Variants in KAZN observed in about 807,000 individuals in gnomAD.
KAZN encodes the protein kazrin, periplakin interacting protein.
KAZN carries 40 observed loss-of-function variants against 87.4 expected under a neutral mutation model. The observed-to-expected ratio is 0.46, with a 90% CI of 0.36 to 0.60. The LOEUF (loss-of-function observed/expected upper bound fraction) is 0.60. Ranked by LOEUF, KAZN falls within the 20% of genes least tolerant of loss-of-function variation. KAZN has a pLI of 0.00. For missense variants in KAZN, 898 were observed against 1,073.9 expected (o/e 0.84, Z 2.29); for synonymous variants, 466 against 458.3 (o/e 1.02, Z -0.22).
At chr1:14,391,732 G>T (rs1160842612) in intron 2 of KAZN, among the ~76,000 whole-genome samples, 2 of 152,184 alleles carry the variant, frequency 1.3e-5, no homozygotes, top group African/African-American at 4.8e-5. Flanking sequence ...ACATACAGGG[G>T]CCTTGACGTC....
chr1:13,920,967 G>A (rs1325738608), intron 1 of KAZN, among the ~76,000 whole-genome samples: 1 of 152,102 alleles, frequency 6.6e-6, no homozygotes, highest in Non-Finnish European at 1.5e-5. Context: ...TCAGAGGAAT[G>A]TGCACATAGC....
intron 1 of KAZN, among the ~76,000 whole-genome samples, chr1:14,049,609 A>G (rs1186138820): frequency 6.6e-6 from 1 of 151,590 alleles, no homozygotes; most frequent in Non-Finnish European, 1.5e-5. Context: ...CAGTACCCAC[A>G]CTCCATGCCC....
chr1:14,633,882 C>CTA lies in KAZN; in HGVS notation c.226+34660_226+34661insAT, dbSNP rs1357500642. Among the ~76,000 whole-genome samples the CTA allele has an allele frequency of 4.5e-3, 675 of 151,322 alleles. 3 individuals are homozygous for CTA. Among genetic ancestry groups the CTA allele is most frequent in the African/African-American group, 0.014 (585 of 41,100 alleles). Reference sequence around the variant, plus strand: ...TTGCGCGCGCACTCTCTCTCTCTCTCTCTATATATATATATTTATTTAAAG... The same window carrying CTA: ...TTGCGCGCGCACTCTCTCTCTCTCTCTATCTATATATATATATTTATTTAAAG... On this transcript the variant is annotated intron_variant, in intron 1 of 14. Transcript: ENST00000376030.
chr1:14,377,261 C>A (rs1457227407), intron 2 of KAZN, among the ~76,000 whole-genome samples: 1 of 152,162 alleles, frequency 6.6e-6, no homozygotes, highest in Non-Finnish European at 1.5e-5. Flanking sequence ...GGTTTCCTAT[C>A]CATCAATCGA....
At chr1:14,286,060 C>T (rs1038831589) in intron 2 of KAZN, among the ~76,000 whole-genome samples, 7 of 152,206 alleles carry the variant, frequency 4.6e-5, no homozygotes, top group African/African-American at 1.7e-4. Flanking sequence ...GTACAAGGAC[C>T]ATGTCTGTAT....
At position 14,574,933 on chromosome 1, in the gene KAZN, G is replaced by A. The variant is rs1039432175; in HGVS notation, c.250-24050G>A. Among the ~76,000 whole-genome samples the A allele has an allele frequency of 7.9e-5, 12 of 152,278 alleles. 1 individual carries two copies. Among genetic ancestry groups the A allele is most frequent in the Admixed American group, 5.2e-4 (8 of 15,300 alleles). ...AAAGGAACTTGCTCTCCAGGGCATT[G>A]AGGAGGAAGAACAAGAGGAAGATAC... On this transcript the variant is annotated intron_variant, in intron 2 of 16. Transcript: ENST00000636203.
At chr1:14,750,245 G>C (rs1381170380) in intron 1 of KAZN, among the ~76,000 whole-genome samples, 1 of 123,000 alleles carries the variant, frequency 8.1e-6, no homozygotes, top group African/African-American at 3.4e-5. Flanking sequence ...AGACAATTTT[G>C]AGACAGTATT....
At chr1:15,092,055 TTTTTGTTTTTTTTTTTGA>T (rs1640559248) in intron 8 of KAZN, among the ~76,000 whole-genome samples, 1 of 131,730 alleles carries the variant, frequency 7.6e-6, no homozygotes, top group African/African-American at 3.2e-5. Context: ...AGGTTTTGTT[TTTTTGTTTTTTTTTTTGA>T]TTTTTTTTTT....
At chr1:15,005,875 C>G (rs1457567885) in intron 2 of KAZN, among the ~76,000 whole-genome samples, 2 of 152,296 alleles carry the variant, frequency 1.3e-5, no homozygotes, top group South Asian at 2.1e-4. Context: ...TGTATTGTTT[C>G]CTTTGTGATG....
At chr1:14,729,063 A>C (rs1215357254) in intron 1 of KAZN, among the ~76,000 whole-genome samples, 4 of 151,780 alleles carry the variant, frequency 2.6e-5, no homozygotes, top group Non-Finnish European at 5.9e-5. Context: ...GTGACCCTTG[A>C]CCCTATCCTT....
intron 2 of KAZN, among the ~76,000 whole-genome samples, chr1:14,577,179 C>A (rs1445063108): frequency 6.6e-6 from 1 of 152,168 alleles, no homozygotes; most frequent in Non-Finnish European, 1.5e-5. Context: ...GAATAAAATT[C>A]TTCTGAGAGC....
In KAZN at chr1:14,913,152, A is replaced by G. The variant is rs145650175; in HGVS notation, c.227-47532A>G. 5.4e-4 allele frequency among the ~76,000 whole-genome samples: 82 copies of G among 152,260 alleles called. No homozygotes were observed. The Middle Eastern group carries it at 0.01, about 19-fold the overall frequency. On this transcript the variant is annotated intron_variant, in intron 1 of 14. Transcript: ENST00000376030. ...GCGCCTGGCACTGTGGGCACAGAGCAAGTTTAAACCCCTGCCCATGCCTTG... is the reference window on the plus strand; with the variant it reads ...GCGCCTGGCACTGTGGGCACAGAGCGAGTTTAAACCCCTGCCCATGCCTTG...
intron 1 of KAZN, among the ~76,000 whole-genome samples, chr1:14,931,469 A>G (rs2101578085): frequency 6.6e-6 from 1 of 151,966 alleles, no homozygotes; most frequent in South Asian, 2.1e-4. Context: ...GAGAGAAGTC[A>G]TGGGAATGTC....
At position 14,241,703 on chromosome 1, in the gene KAZN, A is replaced by G. The variant is rs555176062; in HGVS notation, c.249+61111A>G. ...TCACAGATGAGGAGAGAGAGGCTCAAAGAGGTACTTGAGCAAGACCATAGT... is the reference window on the plus strand; with the variant it reads ...TCACAGATGAGGAGAGAGAGGCTCAGAGAGGTACTTGAGCAAGACCATAGT... On this transcript the variant is annotated intron_variant, in intron 2 of 16. Transcript: ENST00000636203. 1.0e-3 allele frequency among the ~76,000 whole-genome samples: 155 copies of G among 152,304 alleles called. 4 individuals are homozygous for G. The South Asian group carries it at 0.014, about 14-fold the overall frequency.
At chr1:14,022,768 GTTAA>G (rs1309296888) in intron 1 of KAZN, among the ~76,000 whole-genome samples, 5 of 152,058 alleles carry the variant, frequency 3.3e-5, no homozygotes, top group Non-Finnish European at 7.4e-5. Context: ...GGCTTAAACA[GTTAA>G]TGACAGAGTA....
intron 2 of KAZN, among the ~76,000 whole-genome samples, chr1:14,517,713 C>T (rs1413007671): frequency 6.6e-6 from 1 of 152,188 alleles, no homozygotes; most frequent in Non-Finnish European, 1.5e-5. Context: ...AGTGGATGTG[C>T]AATCCTAATC....
intron 1 of KAZN, among the ~76,000 whole-genome samples, chr1:14,096,543 T>A (rs988532263): frequency 6.6e-6 from 1 of 152,222 alleles, no homozygotes; most frequent in Non-Finnish European, 1.5e-5. Flanking sequence ...AGTCAGAGCA[T>A]GAAGGAGAAT....
In KAZN at chr1:14,336,517, C is replaced by A. The variant is rs115831366; in HGVS notation, c.249+155925C>A. ...TGTCATATGCTAATTCTATGGTCAA[C>A]TTTTTGAGGAATCACCAAACTCCTT... is the stretch of plus-strand genomic sequence containing the variant. On this transcript the variant is annotated intron_variant, in intron 2 of 16. Coordinates refer to the KAZN transcript ENST00000636203. 8.3e-3 allele frequency among the ~76,000 whole-genome samples: 1,264 copies of A among 152,280 alleles called. 18 individuals are homozygous for A. Among genetic ancestry groups the A allele is most frequent in the African/African-American group, 0.028 (1,184 of 41,552 alleles).
intron 1 of KAZN, among the ~76,000 whole-genome samples, chr1:14,818,098 A>T (rs57780551): frequency 0.012 from 1,840 of 152,262 alleles, 39 homozygotes; most frequent in African/African-American, 0.042. Context: ...TTCCCCTCTT[A>T]TTCCCCCGCC....
Sources: gnomAD v4.1 joint callset for allele counts (sites outside exome capture counted in the v4.1 genomes callset) on GRCh38, gnomAD v4.1.1 for gene constraint, MANE v1.5 for transcripts, NCBI Gene and HGNC (gene_info 2026-07-23, HGNC 2026-07-21) for gene names.